BACH1: variants seen among roughly 807,000 people sequenced by gnomAD.
BACH1 encodes transcription regulator protein BACH1.
BACH1 carries 35 observed loss-of-function variants against 52.9 expected under a neutral mutation model. The observed-to-expected ratio is 0.66, with a 90% CI of 0.51 to 0.88. The LOEUF is 0.88. Among genes scored for constraint, BACH1 ranks in the 40% least tolerant of loss-of-function variants. BACH1 has a pLI of 0.00. For missense variants in BACH1, 808 were observed against 872.6 expected, an observed-to-expected ratio of 0.93 and a Z score of 0.93; for synonymous variants, 321 against 319.6, an observed-to-expected ratio of 1.00 and a Z score of -0.05.
intron 2 of BACH1, among the ~76,000 whole-genome samples, chr21:29,357,238 G>A (rs960494350): frequency 3.3e-5 from 5 of 152,206 alleles, no homozygotes; most frequent in African/African-American, 1.2e-4. Flanking sequence ...TTACTTTCAA[G>A]TACTGTTACT....
chr21:29,335,194 T>G (rs2089030318), intron 4 of BACH1, among the ~76,000 whole-genome samples: 1 of 152,202 alleles, frequency 6.6e-6, no homozygotes, highest in Non-Finnish European at 1.5e-5. Flanking sequence ...ACTGGGTAGC[T>G]TTGTGGTCTG....
At position 29,305,491 on chromosome 21, in the gene BACH1, TG is replaced by T. The variant is rs76159261; in HGVS notation, c.-61+6541del. Among the ~76,000 whole-genome samples the T allele has an allele frequency of 1.1e-3, 161 of 152,320 alleles. 2 individuals carry two copies. In the East Asian group the frequency reaches 0.029, roughly 27 times the overall value. On this transcript the variant is annotated intron_variant, in intron 1 of 4. Transcript: ENST00000286800. ...GTCTTTTTCCAGACCCCAGAAAGGC[TG>T]GGCCACCTTTTCTTCTTTGAGCAGG...
chr21:29,314,615 C>T (rs932383797), intron 1 of BACH1, among the ~76,000 whole-genome samples: 3 of 152,066 alleles, frequency 2.0e-5, no homozygotes, highest in Non-Finnish European at 4.4e-5. Flanking sequence ...TTTAAAAAAG[C>T]GGTGGCATCT....
rs186183060 is a variant in BACH1, at chr21:29,355,067, G to A, written c.472+25374G>A. Among the ~76,000 whole-genome samples the A allele has an allele frequency of 7.2e-5, 11 of 152,334 alleles. No individual in the cohort carries two copies. In the East Asian group the frequency reaches 1.7e-3, roughly 24 times the overall value. On this transcript the variant is annotated intron_variant, in intron 2 of 4. Transcript: ENST00000422809. ...CCACAGCATGGAAGGGGACCGGAGC[G>A]GGTTGCCCCTGCTGACTGGGGTGGC...
intron 4 of BACH1, among the ~76,000 whole-genome samples, chr21:29,331,333 CAT>C (rs1414228748): frequency 6.6e-6 from 1 of 152,092 alleles, no homozygotes; most frequent in Non-Finnish European, 1.5e-5. Context: ...TATAGTAGTT[CAT>C]AGAGTTTATC....
At chr21:29,312,317 T>A (rs1281181341) in intron 1 of BACH1, among the ~76,000 whole-genome samples, 1 of 152,212 alleles carries the variant, frequency 6.6e-6, no homozygotes, top group Non-Finnish European at 1.5e-5. Flanking sequence ...TAGTTGCTCA[T>A]CTTAGAAAAT....
rs1164331942 is a variant in BACH1, at chr21:29,342,949, T to C, written c.*116T>C. ...ATACTGTTTTTTTCCTTTAGTAGTT[T>C]ACCATAAGGGAATTTCCTTTAAGTC... On this transcript the variant is annotated 3_prime_UTR_variant, in exon 5 of 5. Transcript: ENST00000286800. 2.9e-6 allele frequency: 3 copies of C among 1,051,232 alleles called. No individual in the cohort carries two copies. The highest frequency in any genetic ancestry group is 4.0e-6 in the Non-Finnish European group (3 of 759,192). The allele number at this position is 1,051,232 out of a possible 1,614,324, so 65.1% of individuals were successfully genotyped here.
chr21:29,334,687 C>G (rs1360947510), intron 4 of BACH1, among the ~76,000 whole-genome samples: 3 of 152,204 alleles, frequency 2.0e-5, no homozygotes, highest in Non-Finnish European at 4.4e-5. Flanking sequence ...GATCAGCAAT[C>G]AGAATATTCA....
Position 29,343,748 on chromosome 21 carries a change from A to G in BACH1, c.*915A>G, listed in dbSNP as rs1382236178. On this transcript the variant is annotated 3_prime_UTR_variant, in exon 5 of 5. Transcript: ENST00000286800. ...TTCCACCGTGGGTCACCAATGCCAGAAAACCAGACATCACGGGGAAAGAAT... is the reference window on the plus strand; with the variant it reads ...TTCCACCGTGGGTCACCAATGCCAGGAAACCAGACATCACGGGGAAAGAAT... 8 of 152,238 alleles carry G rather than the reference A, an allele frequency of 5.3e-5. No homozygotes were observed. Among genetic ancestry groups the G allele is most frequent in the African/African-American group, 1.4e-4 (6 of 41,468 alleles). The allele number at this position is 152,238 out of a possible 1,614,324, so 9.4% of individuals were successfully genotyped here. A position where few individuals can be genotyped will look rare whatever the true frequency, so the allele number is the denominator to read the frequency against.
intron 3 of BACH1, among the ~76,000 whole-genome samples, chr21:29,328,536 CTTTA>C (rs1025542941): frequency 1.4e-4 from 21 of 151,336 alleles, no homozygotes; most frequent in African/African-American, 2.7e-4. Context: ...CTTTCTTGGG[CTTTA>C]TTTGTTTTTT....
intron 4 of BACH1, among the ~76,000 whole-genome samples, chr21:29,335,831 C>A (rs534729095): frequency 6.6e-6 from 1 of 152,146 alleles, no homozygotes; most frequent in South Asian, 2.1e-4. Context: ...ACTGTTGTTC[C>A]TGTCCTGCTG....
chr21:29,312,011 A>G (rs1027339772), intron 1 of BACH1, among the ~76,000 whole-genome samples: 2 of 152,240 alleles, frequency 1.3e-5, no homozygotes, highest in African/African-American at 2.4e-5. Context: ...CTGTCCACCC[A>G]TAGGTATCCC....
At chr21:29,319,744 T>C (rs1185250697) in intron 1 of BACH1, among the ~76,000 whole-genome samples, 2 of 148,290 alleles carry the variant, frequency 1.3e-5, no homozygotes, top group East Asian at 4.0e-4. Flanking sequence ...AGGGACATAG[T>C]AGGGCAGGTG....
At chr21:29,354,089 T>G (rs1210636884) in intron 2 of BACH1, among the ~76,000 whole-genome samples, 1 of 152,118 alleles carries the variant, frequency 6.6e-6, no homozygotes, top group Non-Finnish European at 1.5e-5. Context: ...GGAAGCTGGG[T>G]GAAGAGGAAG....
intron 4 of BACH1, among the ~76,000 whole-genome samples, chr21:29,341,503 G>T (rs1416107202): frequency 6.6e-6 from 1 of 152,184 alleles, no homozygotes; most frequent in Non-Finnish European, 1.5e-5. Context: ...GATGATAATA[G>T]AAAAGACATG....
chr21:29,303,510 G>A (rs73897749), intron 1 of BACH1, among the ~76,000 whole-genome samples: 1,748 of 152,336 alleles, frequency 0.011, 35 homozygotes, highest in African/African-American at 0.04. Context: ...AGAGAACATC[G>A]TGTGTGGTAC....
At chr21:29,299,047 G>C (rs1459406029) in intron 1 of BACH1, 94 bp downstream of exon 1, 2 of 151,798 alleles carry the variant, frequency 1.3e-5, no homozygotes, top group African/African-American at 4.8e-5. Flanking sequence ...GACAGGTCCA[G>C]TGAAGGCGCG....
intron 2 of BACH1, chr21:29,352,763 A>C (rs569548888): frequency 6.6e-6 from 1 of 151,388 alleles, no homozygotes; most frequent in Non-Finnish European, 1.5e-5. Flanking sequence ...CCAGGCTAGA[A>C]TGCAGTGGCA....
intron 1 of BACH1, among the ~76,000 whole-genome samples, chr21:29,316,305 T>G (rs1433632963): frequency 6.6e-6 from 1 of 152,232 alleles, no homozygotes; most frequent in Non-Finnish European, 1.5e-5. Flanking sequence ...TTAAATTATG[T>G]GCATTCAGCA....
Sources: allele counts gnomAD v4.1 joint callset (sites outside exome capture counted in the v4.1 genomes callset), GRCh38; gene constraint gnomAD v4.1.1; transcripts MANE v1.5; gene names NCBI Gene and HGNC (gene_info 2026-07-23, HGNC 2026-07-21).